Variants in SEMA6D observed in about 807,000 individuals in gnomAD.
SEMA6D encodes the protein semaphorin 6D.
SEMA6D carries 35 observed loss-of-function variants against 106.6 expected under a neutral mutation model. That is an observed-to-expected ratio of 0.33 (90% confidence interval 0.25 to 0.44). The LOEUF is 0.44. SEMA6D is among the 20% of genes least tolerant of loss of function. The pLI, the probability that SEMA6D is intolerant of heterozygous loss-of-function variation, is 1.00. For missense variants in SEMA6D, 1,185 were observed against 1,345.9 expected (o/e 0.88, Z 1.87); for synonymous variants, 499 against 487.7 (o/e 1.02, Z -0.31).
intron 4 of SEMA6D, among the ~76,000 whole-genome samples, chr15:47,617,877 C>T (rs1479670186): frequency 6.6e-6 from 1 of 152,182 alleles, no homozygotes; most frequent in Admixed American, 6.5e-5. Context: ...TTAACATCTC[C>T]CTCTCATTTG....
intron 3 of SEMA6D, among the ~76,000 whole-genome samples, chr15:47,522,000 A>G (rs1010979414): frequency 1.3e-5 from 2 of 151,912 alleles, no homozygotes; most frequent in African/African-American, 4.8e-5. Context: ...AAAAAAAAAA[A>G]GAAAGATTCA....
At chr15:47,640,717 A>G (rs561446818) in intron 4 of SEMA6D, among the ~76,000 whole-genome samples, 1 of 152,318 alleles carries the variant, frequency 6.6e-6, no homozygotes, top group South Asian at 2.1e-4. Context: ...TGTTGAAGCA[A>G]AAGTGTTGTT....
At chr15:47,409,970 G>A (rs1467568468) in intron 1 of SEMA6D, among the ~76,000 whole-genome samples, 2 of 151,976 alleles carry the variant, frequency 1.3e-5, no homozygotes, top group Non-Finnish European at 2.9e-5. Flanking sequence ...TCTGAAAGTC[G>A]GTGTTAGAAC....
intron 1 of SEMA6D, among the ~76,000 whole-genome samples, chr15:47,309,242 CAATT>C (rs895112057): frequency 1.3e-5 from 2 of 152,174 alleles, no homozygotes; most frequent in Admixed American, 6.5e-5. Context: ...CAGAAATAAA[CAATT>C]AATGTTTAAA....
intron 4 of SEMA6D, among the ~76,000 whole-genome samples, chr15:47,712,363 A>T (rs1456657201): frequency 1.3e-5 from 2 of 152,222 alleles, no homozygotes; most frequent in African/African-American, 4.8e-5. Flanking sequence ...TTGAGGGGCA[A>T]ACAAACCGGG....
In SEMA6D at chr15:47,771,797, G is replaced by C; in HGVS notation, c.*12G>C. The C allele has an allele frequency of 1.9e-6, 3 of 1,605,202 alleles. No homozygotes were observed. In the Middle Eastern group the frequency reaches 5.0e-4, roughly 267 times the overall value. ...AATACACATACTAGGCCTCAAGTGT[G>C]CTATTCCCATGTGGCTTTATCCTGT... On this transcript the variant is annotated 3_prime_UTR_variant, in exon 19 of 19. Coordinates refer to ENST00000536845, the MANE Select transcript of SEMA6D (RefSeq NM_001358351.3).
At chr15:47,508,799 G>A (rs1008817) in intron 3 of SEMA6D, among the ~76,000 whole-genome samples, 16,308 of 152,208 alleles carry the variant, frequency 0.11, 1,243 homozygotes, top group East Asian at 0.33. Flanking sequence ...CATTTCTTAC[G>A]AGCTTTGTGA....
chr15:47,647,736 T>A (rs79976226), intron 4 of SEMA6D, among the ~76,000 whole-genome samples: 7 of 143,742 alleles, frequency 4.9e-5, no homozygotes, highest in South Asian at 2.3e-4. Flanking sequence ...AAAAAAAAAA[T>A]CAGCACTAAC....
At chr15:47,664,434 A>G (rs1408860869) in intron 4 of SEMA6D, among the ~76,000 whole-genome samples, 1 of 150,816 alleles carries the variant, frequency 6.6e-6, no homozygotes, top group Non-Finnish European at 1.5e-5. Flanking sequence ...TAAAAAGACA[A>G]TAAAATAATT....
At position 47,764,757 on chromosome 15, in the gene SEMA6D, T is replaced by C; in HGVS notation, c.1217T>C (p.Ile406Thr). ...HPLMDSAVPP[I>T]ADEPWFTKTR... Reference sequence around the variant, plus strand: ...CTGATGGACTCTGCCGTTCCACCCATTGCCGATGAGCCCTGGTTCACAAAG... The same window carrying C: ...CTGATGGACTCTGCCGTTCCACCCACTGCCGATGAGCCCTGGTTCACAAAG... The change falls in exon 12 of 19, where the codon ATT becomes ACT. Residue 406 changes from isoleucine to threonine, a missense_variant. By Grantham distance (89) the Ile-to-Thr change is moderately conservative. Coordinates refer to ENST00000536845, the MANE Select transcript of SEMA6D (RefSeq NM_001358351.3). 1 of 1,613,992 alleles carries C rather than the reference T, an allele frequency of 6.2e-7. No homozygotes were observed. Among genetic ancestry groups the C allele is most frequent in the Non-Finnish European group, 8.5e-7 (1 of 1,179,878 alleles).
At chr15:47,521,073 C>T (rs144852336) in intron 3 of SEMA6D, among the ~76,000 whole-genome samples, 33 of 152,250 alleles carry the variant, frequency 2.2e-4, no homozygotes, top group African/African-American at 6.7e-4. Flanking sequence ...TAGGTGTTGG[C>T]TTGGAGGGCC....
intron 1 of SEMA6D, among the ~76,000 whole-genome samples, chr15:47,213,271 A>G (rs1337717420): frequency 6.6e-6 from 1 of 152,222 alleles, no homozygotes; most frequent in Non-Finnish European, 1.5e-5. Context: ...GTTGGACAGC[A>G]TTGCTCTTAA....
chr15:47,558,288 C>T (rs1193757836), intron 3 of SEMA6D, among the ~76,000 whole-genome samples: 1 of 152,036 alleles, frequency 6.6e-6, no homozygotes, highest in Non-Finnish European at 1.5e-5. Context: ...TATATAATAG[C>T]TATGTCAATT....
intron 1 of SEMA6D, among the ~76,000 whole-genome samples, chr15:47,382,401 T>A (rs545471733): frequency 7.2e-5 from 11 of 152,160 alleles, no homozygotes; most frequent in African/African-American, 2.6e-4. Context: ...TCCCAGCTAC[T>A]GCTGCTGAGG....
chr15:47,644,198 A>C (rs1197789746), intron 4 of SEMA6D, among the ~76,000 whole-genome samples: 1 of 152,198 alleles, frequency 6.6e-6, no homozygotes. Context: ...TACTCCTTCA[A>C]ATATCATGTA....
At chr15:47,186,429 C>T (rs282504) in intron 1 of SEMA6D, among the ~76,000 whole-genome samples, 43,561 of 151,804 alleles carry the variant, frequency 0.29, 8,021 homozygotes, top group Non-Finnish European at 0.4. Context: ...ACTCACGGTT[C>T]GACAAATATG....
chr15:47,215,487 A>C (rs1167760163), intron 1 of SEMA6D, among the ~76,000 whole-genome samples: 1 of 152,116 alleles, frequency 6.6e-6, no homozygotes, highest in Non-Finnish European at 1.5e-5. Flanking sequence ...TTTTGTTCAG[A>C]TACTGTTTTA....
chr15:47,438,326 A>G (rs1247978474), intron 2 of SEMA6D, among the ~76,000 whole-genome samples: 7 of 152,010 alleles, frequency 4.6e-5, no homozygotes, highest in Non-Finnish European at 1.0e-4. Flanking sequence ...TCTTTGTCTC[A>G]TGATCTCCTA....
intron 1 of SEMA6D, among the ~76,000 whole-genome samples, chr15:47,201,197 G>A (rs1894706037): frequency 6.6e-6 from 1 of 152,172 alleles, no homozygotes; most frequent in South Asian, 2.1e-4. Context: ...ACTTACACAA[G>A]TGTTTTATGA....
Sources: gnomAD v4.1 joint callset for allele counts (sites outside exome capture counted in the v4.1 genomes callset) on GRCh38, gnomAD v4.1.1 for gene constraint, MANE v1.5 for transcripts, NCBI Gene and HGNC (gene_info 2026-07-23, HGNC 2026-07-21) for gene names.